The following ERBB4 variants were observed in gnomAD, a reference collection of about 807,000 sequenced individuals.
ERBB4 encodes receptor tyrosine-protein kinase erbB-4.
A neutral mutation model predicts 158.0 loss-of-function variants in ERBB4; 42 were observed. The ratio of observed to expected loss-of-function variants is 0.27; its 90% CI spans 0.21 to 0.34. The LOEUF (loss-of-function observed/expected upper bound fraction) is 0.34, where lower values mean the gene tolerates loss of function less well. Ranked by LOEUF, ERBB4 falls within the 10% of genes least tolerant of loss-of-function variation. The pLI is 1.00. For synonymous variants in ERBB4, 583 were observed against 558.7 expected, an observed-to-expected ratio of 1.04 and a Z score of -0.61; for missense variants, 1,333 against 1,624.1, an observed-to-expected ratio of 0.82 and a Z score of 3.08.
intron 1 of ERBB4, among the ~76,000 whole-genome samples, chr2:212,480,466 C>T (rs1238136222): frequency 6.6e-6 from 1 of 152,188 alleles, no homozygotes; most frequent in Non-Finnish European, 1.5e-5. Context: ...AAATATAAAA[C>T]TTCTAAGGAT....
chr2:211,848,435 A>C (rs2077641322), intron 3 of ERBB4, among the ~76,000 whole-genome samples: 1 of 152,098 alleles, frequency 6.6e-6, no homozygotes, highest in African/African-American at 2.4e-5. Flanking sequence ...AATGGAGTAA[A>C]ATGACACAAG....
Position 211,739,988 on chromosome 2 carries a change from C to T in ERBB4, c.622+10651G>A, listed in dbSNP as rs1021363622. Among the ~76,000 whole-genome samples the T allele has an allele frequency of 1.1e-4, 16 of 152,290 alleles. No homozygotes were observed. In the South Asian group the frequency reaches 2.3e-3, roughly 22 times the overall value. ...TAGCTTGATTCTTTTAAATTATCAGCAACTAGTTGTTAACATCAGAATCTG... is the reference window on the plus strand; with the variant it reads ...TAGCTTGATTCTTTTAAATTATCAGTAACTAGTTGTTAACATCAGAATCTG... On this transcript the variant is annotated intron_variant, in intron 5 of 27. Coordinates refer to ENST00000342788, the MANE Select transcript of ERBB4 (RefSeq NM_005235.3).
At chr2:211,926,448 G>T (rs116839780) in intron 3 of ERBB4, among the ~76,000 whole-genome samples, 7,147 of 152,188 alleles carry the variant, frequency 0.047, 225 homozygotes, top group Middle Eastern at 0.092. Flanking sequence ...AGGAGTGGTA[G>T]GTTGAATGGT....
At chr2:211,895,722 A>G (rs2079080956) in intron 3 of ERBB4, among the ~76,000 whole-genome samples, 1 of 152,180 alleles carries the variant, frequency 6.6e-6, no homozygotes, top group African/African-American at 2.4e-5. Flanking sequence ...GGAAAATTCC[A>G]TTATAGAACT....
At chr2:211,489,990 G>A (rs12053015) in intron 20 of ERBB4, among the ~76,000 whole-genome samples, 50,710 of 151,890 alleles carry the variant, frequency 0.33, 9,012 homozygotes, top group African/African-American at 0.44. Context: ...GGTGTGGCCA[G>A]TGTGATTGTA....
At chr2:211,654,492 T>A (rs1277120863) in intron 16 of ERBB4, among the ~76,000 whole-genome samples, 2 of 152,216 alleles carry the variant, frequency 1.3e-5, no homozygotes, top group East Asian at 3.9e-4. Context: ...CCTGAGTAAT[T>A]TTGATATATC....
intron 23 of ERBB4, among the ~76,000 whole-genome samples, chr2:211,423,599 G>A (rs997080680): frequency 2.0e-5 from 3 of 151,924 alleles, no homozygotes; most frequent in African/African-American, 7.2e-5. Flanking sequence ...GTAAACAAAT[G>A]ATCAAATTGA....
At chr2:211,682,922 T>A (rs2072412868) in intron 12 of ERBB4, among the ~76,000 whole-genome samples, 1 of 151,870 alleles carries the variant, frequency 6.6e-6, no homozygotes, top group Admixed American at 6.6e-5. Context: ...AGTTTTTTTT[T>A]TCCTGTTGGT....
chr2:212,208,349 T>C (rs2082828537), intron 1 of ERBB4, among the ~76,000 whole-genome samples: 1 of 152,148 alleles, frequency 6.6e-6, no homozygotes, highest in South Asian at 2.1e-4. Context: ...TATCCTTCTT[T>C]TCTCATTATT....
intron 3 of ERBB4, among the ~76,000 whole-genome samples, chr2:211,870,289 T>C (rs2078311725): frequency 6.6e-6 from 1 of 152,168 alleles, no homozygotes. Context: ...AAAAGTACAA[T>C]TCCTTCATAA....
chr2:212,439,550 T>C (rs1476731296), intron 1 of ERBB4, among the ~76,000 whole-genome samples: 1 of 152,198 alleles, frequency 6.6e-6, no homozygotes, highest in Non-Finnish European at 1.5e-5. Context: ...TCTGCTGCTA[T>C]AGCTTTGGTA....
intron 3 of ERBB4, among the ~76,000 whole-genome samples, chr2:211,885,636 T>G (rs545297909): frequency 6.6e-6 from 1 of 152,198 alleles, no homozygotes. Context: ...TTTTCTGTAC[T>G]TTTAGTAGAG....
At chr2:212,139,819 C>T (rs1410313411) in intron 1 of ERBB4, among the ~76,000 whole-genome samples, 6 of 151,880 alleles carry the variant, frequency 4.0e-5, no homozygotes, top group Non-Finnish European at 5.9e-5. Flanking sequence ...TGCCACAGCA[C>T]GAATCTGATC....
intron 1 of ERBB4, among the ~76,000 whole-genome samples, chr2:212,482,865 G>A (rs1010813351): frequency 6.6e-6 from 1 of 152,126 alleles, no homozygotes; most frequent in Non-Finnish European, 1.5e-5. Context: ...CTAGTGATCT[G>A]CCCGCCTCAG....
At chr2:211,457,045 T>C (rs2064400614) in intron 20 of ERBB4, among the ~76,000 whole-genome samples, 1 of 152,206 alleles carries the variant, frequency 6.6e-6, no homozygotes, top group African/African-American at 2.4e-5. Context: ...AATTATCCCA[T>C]TTAATCTTTT....
chr2:212,503,991 G>C (rs113260816), intron 1 of ERBB4, among the ~76,000 whole-genome samples: 3 of 152,134 alleles, frequency 2.0e-5, no homozygotes, highest in Admixed American at 1.3e-4. Flanking sequence ...TATGTTTGTA[G>C]ACACCTTGAA....
At chr2:211,877,232 G>A (rs1266618651) in intron 3 of ERBB4, among the ~76,000 whole-genome samples, 2 of 152,186 alleles carry the variant, frequency 1.3e-5, no homozygotes, top group African/African-American at 4.8e-5. Context: ...AGCTCGAGTA[G>A]CCTTATTGGA....
intron 12 of ERBB4, among the ~76,000 whole-genome samples, chr2:211,691,568 A>ATGTGTGTG (rs61091828): frequency 0.068 from 9,447 of 138,796 alleles, 307 homozygotes; most frequent in Middle Eastern, 0.14. Flanking sequence ...ATAGAAACAT[A>ATGTGTGTG]TGTGTGTGTG....
At chr2:212,001,753 C>T (rs1315986599) in intron 2 of ERBB4, among the ~76,000 whole-genome samples, 1 of 152,090 alleles carries the variant, frequency 6.6e-6, no homozygotes, top group African/African-American at 2.4e-5. Flanking sequence ...CATCTCTTTT[C>T]TTGATATGAA....
Sources: gnomAD v4.1 joint callset for allele counts (sites outside exome capture counted in the v4.1 genomes callset) on GRCh38, gnomAD v4.1.1 for gene constraint, MANE v1.5 for transcripts, NCBI Gene and HGNC (gene_info 2026-07-23, HGNC 2026-07-21) for gene names.